IPO11: variants seen among roughly 807,000 people sequenced by gnomAD.
The protein encoded by IPO11 is importin-11.
Under a neutral mutation model 143.2 loss-of-function variants are expected in IPO11, and 66 were observed. The observed-to-expected ratio is 0.46, with a 90% CI of 0.38 to 0.57. The LOEUF is 0.57. Among genes scored for constraint, IPO11 ranks in the 20% least tolerant of loss-of-function variants. The pLI is 0.00. For synonymous variants in IPO11, 385 were observed against 377.8 expected (o/e 1.02, Z -0.22); for missense variants, 1,026 against 1,141.0 (o/e 0.90, Z 1.45).
intron 20 of IPO11, among the ~76,000 whole-genome samples, chr5:62,520,023 G>A (rs975302877): frequency 6.6e-6 from 1 of 152,154 alleles, no homozygotes; most frequent in African/African-American, 2.4e-5. Flanking sequence ...CAGATCCCCC[G>A]AGGGTTTTAA....
At chr5:62,465,603 A>G (rs1745546740) in intron 5 of IPO11, among the ~76,000 whole-genome samples, 2 of 152,220 alleles carry the variant, frequency 1.3e-5, no homozygotes, top group Admixed American at 1.3e-4. Context: ...TTTGGCTGTA[A>G]TAAAACATTA....
intron 1 of IPO11, among the ~76,000 whole-genome samples, chr5:62,435,629 A>G (rs935139383): frequency 6.6e-5 from 10 of 150,986 alleles, no homozygotes; most frequent in South Asian, 2.1e-4. Context: ...TAATCCCAGC[A>G]CTTTGGGTGG....
intron 9 of IPO11, among the ~76,000 whole-genome samples, chr5:62,482,439 C>T (rs1746246974): frequency 6.6e-6 from 1 of 152,054 alleles, no homozygotes; most frequent in African/African-American, 2.4e-5. Flanking sequence ...TATAAATTTC[C>T]CTCTACACAC....
chr5:62,568,050 C>G (rs1744014770), intron 27 of IPO11, among the ~76,000 whole-genome samples: 1 of 152,018 alleles, frequency 6.6e-6, no homozygotes, highest in East Asian at 1.9e-4. Context: ...ACTGCAGCCT[C>G]AACCTCCTGG....
At chr5:62,527,180 G>C (rs956157594) in intron 21 of IPO11, among the ~76,000 whole-genome samples, 4 of 152,212 alleles carry the variant, frequency 2.6e-5, no homozygotes, top group Admixed American at 2.6e-4. Flanking sequence ...TGGCATGTAT[G>C]TGGTTTGGTT....
rs368334894 is a variant in IPO11 at position 62,541,371 on chromosome 5, CA to C, written c.2250+4099del. The stretch of plus-strand genomic sequence containing the variant: ...GGGCAACAAGAGCGAAACGCTGTCT[CA>C]AAAAAAAAAAAAAAAATTGTATTTT... On this transcript the variant is annotated intron_variant, in intron 24 of 29. Transcript: ENST00000325324. Among the ~76,000 whole-genome samples the C allele has an allele frequency of 9.4e-3, 1,091 of 115,886 alleles. 2 individuals carry two copies. The highest frequency in any genetic ancestry group is 0.011 in the Middle Eastern group (2 of 178). 76.0% of individuals were successfully genotyped at this position (115,886 alleles called of 152,430 possible).
rs146403209 is a variant in IPO11 at position 62,504,279 on chromosome 5, C to T, written c.1591-388C>T. ...CTTTCTCCTCCCCACCTCCTTCCTT[C>T]CTTGTCTCCTTTTGCACCTTTGACT... is the stretch of plus-strand genomic sequence containing the variant. On this transcript the variant is annotated intron_variant, in intron 16 of 29. Coordinates refer to ENST00000325324, the MANE Select transcript of IPO11 (RefSeq NM_016338.5). Among the ~76,000 whole-genome samples, 168 of 152,262 alleles carry T rather than the reference C, an allele frequency of 1.1e-3. 4 individuals carry two copies. In the East Asian group the frequency reaches 0.029, roughly 26 times the overall value.
chr5:62,617,590 A>G (rs979364898), intron 29 of IPO11, among the ~76,000 whole-genome samples: 3 of 152,178 alleles, frequency 2.0e-5, no homozygotes, highest in African/African-American at 7.2e-5. Context: ...TAATGACAAT[A>G]AGATGAATGG....
intron 2 of IPO11, among the ~76,000 whole-genome samples, chr5:62,438,121 ATT>A (rs776917447): frequency 2.0e-5 from 3 of 152,222 alleles, no homozygotes; most frequent in Non-Finnish European, 4.4e-5. Flanking sequence ...CTGACTCAGT[ATT>A]TGTGACCAGG....
chr5:62,437,262 TATC>T lies in IPO11; in HGVS notation c.-6-9_-6-7del. 4.4e-6 allele frequency: 7 copies of T among 1,580,136 alleles called. No homozygotes were observed. Among genetic ancestry groups the T allele is most frequent in the Non-Finnish European group, 6.0e-6 (7 of 1,165,504 alleles). ...TAATACATATTCAAGTATGTTAACT[TATC>T]ATTGCCAGGTTTCCATGGATCTCAA... On this transcript the variant is annotated splice_polypyrimidine_tract_variant and intron_variant, in intron 1 of 29. Transcript: ENST00000325324.
rs762906864 is a variant in IPO11, at chr5:62,551,379, A to G, written c.2460+43A>G. Reference sequence around the variant, plus strand: ...TAAATTTAAGGAAGTCTTTATCTAAATATAAATTAGAAATAGTTTGATGAA... The same window carrying G: ...TAAATTTAAGGAAGTCTTTATCTAAGTATAAATTAGAAATAGTTTGATGAA... On this transcript the variant is annotated intron_variant, in intron 26 of 29. Coordinates refer to ENST00000325324, the MANE Select transcript of IPO11 (RefSeq NM_016338.5). The G allele has an allele frequency of 3.8e-6, 4 of 1,042,730 alleles. No individual in the cohort carries two copies. In the South Asian group the frequency reaches 5.4e-5, roughly 14 times the overall value. 64.6% of individuals were successfully genotyped at this position (1,042,730 alleles called of 1,614,324 possible).
intron 27 of IPO11, among the ~76,000 whole-genome samples, chr5:62,568,843 T>G (rs1285128633): frequency 1.3e-5 from 2 of 152,126 alleles, no homozygotes; most frequent in African/African-American, 4.8e-5. Flanking sequence ...AATTAGATAT[T>G]TTTTCTGTCT....
chr5:62,606,360 G>T (rs953207768), intron 29 of IPO11, among the ~76,000 whole-genome samples: 1 of 151,128 alleles, frequency 6.6e-6, no homozygotes, highest in African/African-American at 2.4e-5. Flanking sequence ...TGCATCTGTA[G>T]TCCCAGCTAC....
At chr5:62,581,405 G>T in intron 27 of IPO11, 1 of 891,004 alleles carries the variant, frequency 1.1e-6, no homozygotes, top group East Asian at 2.9e-5. Context: ...GAAATATAAT[G>T]AATTATATGA....
intron 16 of IPO11, among the ~76,000 whole-genome samples, chr5:62,502,786 TC>T (rs1741391255): frequency 6.6e-6 from 1 of 152,084 alleles, no homozygotes; most frequent in Non-Finnish European, 1.5e-5. Context: ...CAGTTTGATT[TC>T]TTTTCTTTTC....
chr5:62,599,211 T>C (rs1054072953), intron 28 of IPO11, among the ~76,000 whole-genome samples: 7 of 152,224 alleles, frequency 4.6e-5, no homozygotes, highest in African/African-American at 1.7e-4. Context: ...ATCGCTGATA[T>C]TGGACATTAA....
intron 22 of IPO11, among the ~76,000 whole-genome samples, chr5:62,532,628 G>A (rs1156882431): frequency 1.3e-5 from 2 of 152,188 alleles, no homozygotes; most frequent in African/African-American, 4.8e-5. Context: ...AATGTGCTGG[G>A]ATTACAGGCT....
At chr5:62,435,150 A>ATATGTGTATATATG (rs1221203328) in intron 1 of IPO11, among the ~76,000 whole-genome samples, 2 of 98,166 alleles carry the variant, frequency 2.0e-5, no homozygotes, top group African/African-American at 8.9e-5. Flanking sequence ...ATATGTATAT[A>ATATGTGTATATATG]TGTATATATA....
intron 28 of IPO11, among the ~76,000 whole-genome samples, chr5:62,599,330 G>A (rs1412551679): frequency 1.3e-5 from 2 of 152,314 alleles, no homozygotes; most frequent in East Asian, 3.9e-4. Context: ...CACTTATTCT[G>A]TTCAGGTGCT....
Sources: allele counts gnomAD v4.1 joint callset (sites outside exome capture counted in the v4.1 genomes callset), GRCh38; gene constraint gnomAD v4.1.1; transcripts MANE v1.5; gene names NCBI Gene and HGNC (gene_info 2026-07-23, HGNC 2026-07-21).